Variants in IKZF5 observed in about 807,000 individuals in gnomAD.
IKZF5 encodes IKAROS family zinc finger 5.
Under a neutral mutation model 30.7 loss-of-function variants are expected in IKZF5, and 4 were observed. The observed-to-expected ratio is 0.13, with a 90% CI of 0.06 to 0.30. IKZF5 has a LOEUF of 0.30. IKZF5 is among the 10% of genes least tolerant of loss of function. The pLI, the probability that IKZF5 is intolerant of heterozygous loss-of-function variation, is 1.00. For synonymous variants in IKZF5, 148 were observed against 179.6 expected, an observed-to-expected ratio of 0.82 and a Z score of 1.41; for missense variants, 348 against 525.5, an observed-to-expected ratio of 0.66 and a Z score of 3.30.
At chr10:123,002,421 G>A (rs1299011752) in intron 2 of IKZF5, among the ~76,000 whole-genome samples, 1 of 151,644 alleles carries the variant, frequency 6.6e-6, no homozygotes, top group Non-Finnish European at 1.5e-5. Context: ...TCGGTAGGCT[G>A]AGGCAGGAGA....
chr10:122,999,686 T>C (rs1229147603), intron 2 of IKZF5, among the ~76,000 whole-genome samples: 1 of 152,148 alleles, frequency 6.6e-6, no homozygotes, highest in Non-Finnish European at 1.5e-5. Context: ...TATCATCCTA[T>C]CCACTCCAAG....
intron 2 of IKZF5, among the ~76,000 whole-genome samples, chr10:123,004,972 T>C (rs546748390): frequency 2.0e-5 from 3 of 152,122 alleles, no homozygotes; most frequent in Non-Finnish European, 4.4e-5. Flanking sequence ...TTTCTAAGCA[T>C]AATAAATTGA....
chr10:122,995,698 G>A (rs1564736472), intron 4 of IKZF5, among the ~76,000 whole-genome samples: 1 of 152,170 alleles, frequency 6.6e-6, no homozygotes, highest in Non-Finnish European at 1.5e-5. Context: ...TCACATCGCA[G>A]TGCTTTAGCA....
chr10:122,999,803 G>T (rs574342739), intron 2 of IKZF5, among the ~76,000 whole-genome samples: 183 of 152,272 alleles, frequency 1.2e-3, no homozygotes, highest in Admixed American at 2.6e-3. Context: ...TAGGTTTATG[G>T]CCCAAATTCA....
At chr10:123,002,287 G>A (rs148691294) in intron 2 of IKZF5, among the ~76,000 whole-genome samples, 2,067 of 152,172 alleles carry the variant, frequency 0.014, 54 homozygotes, top group African/African-American at 0.047. Context: ...GGGAGGCCGA[G>A]GTGGGTGGAT....
At chr10:122,997,126 C>T (rs1411244070) in intron 3 of IKZF5, 1 of 152,184 alleles carries the variant, frequency 6.6e-6, no homozygotes, top group African/African-American at 2.4e-5. Context: ...TAGAAAGAAA[C>T]TGAAGAGACC....
At position 122,993,973 on chromosome 10, in the gene IKZF5, G is replaced by A. The variant is rs151015331; in HGVS notation, c.1067C>T (p.Pro356Leu). The A allele has an allele frequency of 4.7e-4, 754 of 1,614,086 alleles. 8 individuals carry two copies. The East Asian group carries it at 0.016, about 35-fold the overall frequency. ...GTGCAGAAGCTGAGGGTCCTGGACC[G>A]GCAGGGCTGGGGCTGGGGTGCTTGG... ...SQPSTPAPALPVQDPQLLHHC... is the reference protein window; with the variant it reads ...SQPSTPAPALLVQDPQLLHHC... The change falls in exon 5 of 5, where the codon CCG (proline) becomes CTG (leucine). Residue 356 changes from proline (P) to leucine (L), a missense_variant. Physicochemically the swap from Pro to Leu is moderately conservative, Grantham distance 98. Around this residue, in one of 4 missense-constraint regions of IKZF5, gnomAD observed 56 missense variants for 104.7 expected, o/e 0.53. Coordinates refer to ENST00000368886, the MANE Select transcript of IKZF5 (RefSeq NM_001372123.1).
intron 1 of IKZF5, among the ~76,000 whole-genome samples, chr10:123,007,731 T>A (rs986026954): frequency 6.6e-6 from 1 of 152,228 alleles, no homozygotes; most frequent in African/African-American, 2.4e-5. Flanking sequence ...GACATTTCAA[T>A]TCACTGTAAC....
At position 123,008,709 on chromosome 10, in the gene IKZF5, T is replaced by G. The variant is rs923680280; in HGVS notation, c.-213A>C. 2.7e-5 allele frequency: 14 copies of G among 518,336 alleles called. No homozygotes were observed. The highest frequency in any genetic ancestry group is 4.6e-5 in the Non-Finnish European group (13 of 283,900). 32.1% of individuals were successfully genotyped at this position (518,336 alleles called of 1,614,324 possible). On this transcript the variant is annotated 5_prime_UTR_variant, in exon 1 of 5. An upstream start codon of the reference 5' UTR is lost. Transcript: ENST00000368886. ...TGCTACTTACCTCCTGACAACTGCATGGAGTAAACCACACCGCCTTGTTAA... is the reference window on the plus strand; with the variant it reads ...TGCTACTTACCTCCTGACAACTGCAGGGAGTAAACCACACCGCCTTGTTAA...
rs1849229678 is a variant in IKZF5, at chr10:122,993,282, T to C, written c.*498A>G. On this transcript the variant is annotated 3_prime_UTR_variant, in exon 5 of 5. Coordinates refer to ENST00000368886, the MANE Select transcript of IKZF5 (RefSeq NM_001372123.1). ...TATCAGTTGAAATGAAACTACCGAT[T>C]CAACTTAAGGAATGTGAACTAAATG... 6.6e-6 allele frequency: 1 copy of C among 152,652 alleles called. No homozygotes were observed. Among genetic ancestry groups the C allele is most frequent in the Admixed American group, 6.5e-5 (1 of 15,274 alleles). The allele number at this position is 152,652 out of a possible 1,614,324, so 9.5% of individuals were successfully genotyped here.
chr10:123,008,739 C>T lies in IKZF5; in HGVS notation c.-243G>A, dbSNP rs989290411. On this transcript the variant is annotated 5_prime_UTR_variant, in exon 1 of 5. Transcript: ENST00000368886. The stretch of plus-strand genomic sequence containing the variant: ...TAAACCACACCGCCTTGTTAAATGC[C>T]GTCGCCGCCGCCGCCGTCTTCGTCA... 31 of 584,016 alleles carry T rather than the reference C, an allele frequency of 5.3e-5. No individual in the cohort carries two copies. Among genetic ancestry groups the T allele is most frequent in the Non-Finnish European group, 8.9e-5 (29 of 326,214 alleles). The allele number at this position is 584,016 out of a possible 1,614,324, so 36.2% of individuals were successfully genotyped here.
chr10:123,008,080 T>G (rs1180229045), intron 1 of IKZF5, among the ~76,000 whole-genome samples: 1 of 152,176 alleles, frequency 6.6e-6, no homozygotes, highest in Non-Finnish European at 1.5e-5. Context: ...TCCAAAGATC[T>G]AAACCCCGAA....
chr10:123,001,014 CTT>C (rs1359372875), intron 2 of IKZF5, among the ~76,000 whole-genome samples: 15 of 140,858 alleles, frequency 1.1e-4, no homozygotes, highest in Admixed American at 2.8e-4. Context: ...CTTTTCTTTT[CTT>C]TTTTTTTTTT....
chr10:123,008,330 C>T (rs1330750795), intron 1 of IKZF5, among the ~76,000 whole-genome samples: 1 of 152,142 alleles, frequency 6.6e-6, no homozygotes, highest in Non-Finnish European at 1.5e-5. Context: ...CCGGCTGACT[C>T]CCAGCCCCTG....
chr10:123,008,471 G>C (rs902561792), intron 1 of IKZF5: 4 of 160,298 alleles, frequency 2.5e-5, no homozygotes, highest in African/African-American at 9.6e-5. Context: ...CCGCTCCCTC[G>C]GGGTTCTCGC....
intron 2 of IKZF5, among the ~76,000 whole-genome samples, chr10:123,005,058 G>T (rs1043252678): frequency 6.6e-6 from 1 of 152,144 alleles, no homozygotes; most frequent in African/African-American, 2.4e-5. Flanking sequence ...AGAGGCTAAG[G>T]TGGGAGGACT....
In IKZF5 at chr10:123,006,021, A is replaced by C. The variant is rs1849766689; in HGVS notation, c.-47+1005T>G. On this transcript the variant is annotated intron_variant, in intron 2 of 4. Transcript: ENST00000368886. ...ATTATTCTGATTAAAGTTAAGTTGA[A>C]TATAGTATGGAATTCCATGGGGTGT... Among the ~76,000 whole-genome samples, 6 of 152,336 alleles carry C rather than the reference A, an allele frequency of 3.9e-5. No individual in the cohort carries two copies. The South Asian group carries it at 1.2e-3, about 32-fold the overall frequency.
rs1849249859 is a variant in IKZF5, at chr10:122,993,742, A to G, written c.*38T>C. The G allele has an allele frequency of 1.4e-6, 2 of 1,477,382 alleles. No individual in the cohort carries two copies. Among genetic ancestry groups the G allele is most frequent in the African/African-American group, 2.8e-5 (2 of 71,052 alleles). The allele number at this position is 1,477,382 out of a possible 1,614,324, so 91.5% of individuals were successfully genotyped here. The stretch of plus-strand genomic sequence containing the variant: ...CAAAAAACAAAAAAAACCAAACCAC[A>G]AAAACAGCAAAACTAAGTAAAATAT... On this transcript the variant is annotated 3_prime_UTR_variant, in exon 5 of 5. Transcript: ENST00000368886.
At chr10:122,995,488 A>AGCACAGGATGCATGAAGC (rs150081565) in intron 4 of IKZF5, among the ~76,000 whole-genome samples, 1,816 of 152,256 alleles carry the variant, frequency 0.012, 42 homozygotes, top group African/African-American at 0.039. Flanking sequence ...GTGATGAATG[A>AGCACAGGATGCATGAAGC]GCACAGGATG....
Sources: gnomAD v4.1 joint callset for allele counts (sites outside exome capture counted in the v4.1 genomes callset) on GRCh38, gnomAD v4.1.1 for gene constraint, gnomAD v4.1.1 regional missense constraint, MANE v1.5 for transcripts, NCBI Gene and HGNC (gene_info 2026-07-23, HGNC 2026-07-21) for gene names.